NR1H4: variants seen among roughly 807,000 people sequenced by gnomAD.
The protein encoded by NR1H4 is bile acid receptor.
NR1H4 carries 23 observed loss-of-function variants against 58.5 expected under a neutral mutation model. That is an observed-to-expected ratio of 0.39 (90% CI 0.28 to 0.56). The LOEUF is 0.56. Ranked by LOEUF, NR1H4 falls within the 20% of genes least tolerant of loss-of-function variation. The probability of loss-of-function intolerance (pLI) is 0.58; values close to 1 mark genes in which losing one functional copy is unlikely to be tolerated. For synonymous variants in NR1H4, 214 were observed against 198.0 expected (o/e 1.08, Z -0.68); for missense variants, 487 against 576.9 (o/e 0.84, Z 1.60).
intron 1 of NR1H4, among the ~76,000 whole-genome samples, chr12:100,480,041 GT>G (rs1325087921): frequency 6.6e-6 from 1 of 152,146 alleles, no homozygotes. Flanking sequence ...GTTGACTTGT[GT>G]ATTATTCACT....
intron 9 of NR1H4, among the ~76,000 whole-genome samples, chr12:100,541,392 G>A (rs1293882562): frequency 1.3e-5 from 2 of 149,978 alleles, no homozygotes; most frequent in Non-Finnish European, 3.0e-5. Flanking sequence ...AGCAATTCTT[G>A]TGCCTCAGCC....
intron 3 of NR1H4, among the ~76,000 whole-genome samples, chr12:100,506,336 T>TA (rs1247003041): frequency 6.6e-6 from 1 of 152,190 alleles, no homozygotes; most frequent in African/African-American, 2.4e-5. Flanking sequence ...CTTAGCCAGT[T>TA]AAGATCTCAT....
At chr12:100,561,464 T>C (rs902234938) in intron 9 of NR1H4, among the ~76,000 whole-genome samples, 19 of 152,216 alleles carry the variant, frequency 1.2e-4, no homozygotes, top group Non-Finnish European at 2.2e-4. Flanking sequence ...TGTCTATACT[T>C]CCAGACTGAA....
chr12:100,548,419 A>T (rs907351438), intron 9 of NR1H4, among the ~76,000 whole-genome samples: 2 of 151,714 alleles, frequency 1.3e-5, no homozygotes, highest in African/African-American at 4.8e-5. Context: ...TAGGGTAGAG[A>T]TGATTTGCAT....
intron 4 of NR1H4, among the ~76,000 whole-genome samples, chr12:100,527,125 T>C (rs1302055230): frequency 6.6e-6 from 1 of 152,230 alleles, no homozygotes; most frequent in African/African-American, 2.4e-5. Flanking sequence ...AAATTTGTTA[T>C]GGGCTGGGCA....
chr12:100,515,375 T>C (rs1036966240), intron 4 of NR1H4, among the ~76,000 whole-genome samples: 1 of 151,998 alleles, frequency 6.6e-6, no homozygotes, highest in Admixed American at 6.6e-5. Flanking sequence ...TTTCACCATG[T>C]TGGCCAGGCT....
At chr12:100,510,392 A>G (rs976833026) in intron 3 of NR1H4, among the ~76,000 whole-genome samples, 10 of 152,004 alleles carry the variant, frequency 6.6e-5, no homozygotes, top group African/African-American at 2.4e-4. Flanking sequence ...TTTTAGTTTC[A>G]ATTTAAATTT....
At chr12:100,517,547 C>T (rs1309078125) in intron 4 of NR1H4, among the ~76,000 whole-genome samples, 1 of 152,172 alleles carries the variant, frequency 6.6e-6, no homozygotes, top group African/African-American at 2.4e-5. Flanking sequence ...GAGATATACC[C>T]TGTGGTGGGA....
chr12:100,522,579 G>T (rs1307176834), intron 4 of NR1H4, among the ~76,000 whole-genome samples: 1 of 151,626 alleles, frequency 6.6e-6, no homozygotes, highest in Non-Finnish European at 1.5e-5. Context: ...GCTTTTGGGG[G>T]TACAGTCGTA....
rs1955528944 is a variant in NR1H4, at chr12:100,564,007, A to G, written c.*518A>G. ...TGTCATCTCTGGAAAAGTCCTGGTGAATAGTCATTCATTTGTAATAGCCCT... is the reference window on the plus strand; with the variant it reads ...TGTCATCTCTGGAAAAGTCCTGGTGGATAGTCATTCATTTGTAATAGCCCT... On this transcript the variant is annotated 3_prime_UTR_variant, in exon 11 of 11. Transcript: ENST00000392986. 1 of 154,954 alleles carries G rather than the reference A, an allele frequency of 6.5e-6. No individual in the cohort carries two copies. Among genetic ancestry groups the G allele is most frequent in the Non-Finnish European group, 1.4e-5 (1 of 69,834 alleles). The allele number at this position is 154,954 out of a possible 1,614,324, so 9.6% of individuals were successfully genotyped here.
chr12:100,504,403 T>G (rs777173000), intron 3 of NR1H4, among the ~76,000 whole-genome samples: 48 of 152,226 alleles, frequency 3.2e-4, no homozygotes, highest in Non-Finnish European at 6.5e-4. Context: ...GACACTGTAT[T>G]TAGAAATGGA....
intron 1 of NR1H4, among the ~76,000 whole-genome samples, chr12:100,478,041 T>C (rs970042288): frequency 2.0e-5 from 3 of 152,134 alleles, no homozygotes; most frequent in Non-Finnish European, 2.9e-5. Context: ...TCAAGACCCA[T>C]AGAATACACA....
At chr12:100,556,488 AC>A (rs1236972455) in intron 9 of NR1H4, among the ~76,000 whole-genome samples, 3 of 151,844 alleles carry the variant, frequency 2.0e-5, no homozygotes, top group Non-Finnish European at 4.4e-5. Flanking sequence ...AAAACAAAAA[AC>A]AAAAAACAAC....
chr12:100,499,414 A>G (rs1953784331), intron 3 of NR1H4, among the ~76,000 whole-genome samples: 1 of 152,238 alleles, frequency 6.6e-6, no homozygotes, highest in Admixed American at 6.5e-5. Context: ...AGCTGTAAGC[A>G]GTCTCTAAGG....
At chr12:100,528,241 G>A (rs1162692323) in intron 4 of NR1H4, among the ~76,000 whole-genome samples, 1 of 152,210 alleles carries the variant, frequency 6.6e-6, no homozygotes, top group Non-Finnish European at 1.5e-5. Context: ...AGAATAGGGT[G>A]TGGTATGTGG....
intron 4 of NR1H4, among the ~76,000 whole-genome samples, chr12:100,529,837 A>G (rs999851196): frequency 6.6e-6 from 1 of 152,124 alleles, no homozygotes; most frequent in Non-Finnish European, 1.5e-5. Flanking sequence ...CTCATATTAT[A>G]CTTATCTTGC....
At chr12:100,548,591 G>A (rs145431302) in intron 9 of NR1H4, among the ~76,000 whole-genome samples, 27 of 152,120 alleles carry the variant, frequency 1.8e-4, no homozygotes, top group Non-Finnish European at 3.1e-4. Context: ...CTGCCTGTAG[G>A]GCAACTATCC....
intron 9 of NR1H4, among the ~76,000 whole-genome samples, chr12:100,555,720 T>A (rs1383882868): frequency 1.3e-5 from 2 of 152,212 alleles, no homozygotes; most frequent in Non-Finnish European, 2.9e-5. Context: ...CGTGACAACA[T>A]TTCACAGATG....
intron 9 of NR1H4, among the ~76,000 whole-genome samples, chr12:100,553,367 A>G (rs1461290856): frequency 1.3e-5 from 2 of 152,168 alleles, no homozygotes; most frequent in African/African-American, 4.8e-5. Flanking sequence ...GAATTGTGAT[A>G]AGTTGCAATA....
Sources: allele counts gnomAD v4.1 joint callset (sites outside exome capture counted in the v4.1 genomes callset), GRCh38; gene constraint gnomAD v4.1.1; transcripts MANE v1.5; gene names NCBI Gene and HGNC (gene_info 2026-07-23, HGNC 2026-07-21).